Variants in DOCK9 observed in about 807,000 individuals in gnomAD.
The protein encoded by DOCK9 is dedicator of cytokinesis protein 9.
Under a neutral mutation model 263.3 loss-of-function variants are expected in DOCK9, and 89 were observed. The observed-to-expected ratio is 0.34, with a 90% CI of 0.28 to 0.40. The LOEUF (loss-of-function observed/expected upper bound fraction) is 0.40. Ranked by LOEUF, DOCK9 falls within the 10% of genes least tolerant of loss-of-function variation. The pLI is 1.00. For synonymous variants in DOCK9, 976 were observed against 973.1 expected (o/e 1.00, Z -0.06); for missense variants, 2,140 against 2,603.4 (o/e 0.82, Z 3.87).
At chr13:99,027,245 C>T (rs1021962172) in intron 1 of DOCK9, among the ~76,000 whole-genome samples, 1 of 152,106 alleles carries the variant, frequency 6.6e-6, no homozygotes, top group Admixed American at 6.5e-5. Flanking sequence ...GTATCGAACT[C>T]CTAACCTCGT....
chr13:98,867,603 A>G (rs2094066576), intron 29 of DOCK9, 67 bp from the exon 30 acceptor site: 1 of 1,038,870 alleles, frequency 9.6e-7, no homozygotes, highest in South Asian at 1.4e-5. Flanking sequence ...TAAAAAACCT[A>G]TTAGCAATAG....
intron 35 of DOCK9, among the ~76,000 whole-genome samples, chr13:98,850,716 A>C (rs530397578): frequency 2.0e-5 from 3 of 152,178 alleles, no homozygotes; most frequent in Non-Finnish European, 2.9e-5. Flanking sequence ...ACATCCTTTT[A>C]TGTGGGTCTT....
At chr13:98,975,498 C>CACACAG (rs1185219136) in intron 1 of DOCK9, among the ~76,000 whole-genome samples, 2 of 151,718 alleles carry the variant, frequency 1.3e-5, no homozygotes, top group Non-Finnish European at 2.9e-5. Context: ...CACACACACA[C>CACACAG]ACACACACAC....
At chr13:99,060,735 G>A (rs1434316925) in intron 1 of DOCK9, among the ~76,000 whole-genome samples, 1 of 152,146 alleles carries the variant, frequency 6.6e-6, no homozygotes, top group Non-Finnish European at 1.5e-5. Flanking sequence ...CACATCTGCA[G>A]TATCCTGTCT....
intron 38 of DOCK9, among the ~76,000 whole-genome samples, chr13:98,844,488 C>T (rs1381749186): frequency 6.6e-6 from 1 of 152,112 alleles, no homozygotes; most frequent in South Asian, 2.1e-4. Flanking sequence ...TCAGCCTCCC[C>T]AGTAGCTGGG....
chr13:98,987,055 CA>C (rs1263035854), intron 1 of DOCK9, among the ~76,000 whole-genome samples: 1 of 152,086 alleles, frequency 6.6e-6, no homozygotes, highest in African/African-American at 2.4e-5. Context: ...GCAGCACCAT[CA>C]CCATCTTCAC....
At chr13:98,971,748 G>T (rs2059754992) in intron 1 of DOCK9, among the ~76,000 whole-genome samples, 1 of 152,152 alleles carries the variant, frequency 6.6e-6, no homozygotes, top group African/African-American at 2.4e-5. Flanking sequence ...GATGCCTGCA[G>T]ATTCTTAGAC....
intron 21 of DOCK9, among the ~76,000 whole-genome samples, chr13:98,884,396 T>C (rs1207151297): frequency 6.6e-6 from 1 of 152,226 alleles, no homozygotes; most frequent in African/African-American, 2.4e-5. Flanking sequence ...GTCTATAATA[T>C]GAACTTAAAT....
chr13:99,009,902 G>C (rs1045335182), intron 1 of DOCK9, among the ~76,000 whole-genome samples: 5 of 151,628 alleles, frequency 3.3e-5, no homozygotes, highest in African/African-American at 1.2e-4. Context: ...TCTGATAAAA[G>C]TTTATATAGT....
chr13:98,856,005 T>G lies in DOCK9; in HGVS notation c.3724A>C (p.Asn1242His). The change falls in exon 34 of 53, where the codon AAC becomes CAC. Residue 1242 changes from asparagine to histidine, a missense_variant. By Grantham distance (68) the Asn-to-His change is moderately conservative (BLOSUM62 1). Around this residue, in one of 2 missense-constraint regions of DOCK9, gnomAD observed 1,521 missense variants for 1,741.7 expected, o/e 0.87. Transcript: ENST00000682017. Reference protein sequence around the residue: ...IASPYTTSTPNINSVRNADSR... With the variant: ...IASPYTTSTPHINSVRNADSR... The stretch of plus-strand genomic sequence containing the variant: ...TCAGCATTTCTCACACTGTTGATGT[T>G]TGGAGTTGAGGTTGTATATGGAGAA... 1 of 1,613,958 alleles carries G rather than the reference T, an allele frequency of 6.2e-7. No individual in the cohort carries two copies. Among genetic ancestry groups the G allele is most frequent in the African/African-American group, 1.3e-5 (1 of 75,052 alleles).
At position 98,919,387 on chromosome 13, in the gene DOCK9, C is replaced by A. The variant is rs1414670734; in HGVS notation, c.717+1567G>T. On this transcript the variant is annotated intron_variant, in intron 7 of 52. Coordinates refer to ENST00000682017, the MANE Select transcript of DOCK9 (RefSeq NM_001366683.2). ...GCGTTGAGATTACAGGCGTGAGCCA[C>A]TGCAGGGCTGGGCTGTTTCAATCAG... Among the ~76,000 whole-genome samples, 3 of 152,244 alleles carry A rather than the reference C, an allele frequency of 2.0e-5. No individual in the cohort carries two copies. In the East Asian group the frequency reaches 5.8e-4, roughly 29 times the overall value.
At chr13:98,948,341 T>C (rs1452407651) in intron 2 of DOCK9, among the ~76,000 whole-genome samples, 1 of 152,222 alleles carries the variant, frequency 6.6e-6, no homozygotes, top group Non-Finnish European at 1.5e-5. Context: ...ATCTTTGACC[T>C]GCACTCCTAT....
chr13:98,845,974 G>C lies in DOCK9; in HGVS notation c.4148C>G (p.Ala1383Gly). ...CAGGCTGCCCAGCTGCTGCAATCTG[G>C]CATGCATCATTCCTGTTCTGTTACG... ...VSRNRTGMMH[A>G]RLQQLGSLDN... Residue 1383 changes from alanine (A) to glycine (G), a missense_variant, in exon 38 of 53, where the codon GCC becomes GGC. Ala to Gly is a moderately conservative substitution (Grantham distance 60). Coordinates refer to ENST00000682017, the MANE Select transcript of DOCK9 (RefSeq NM_001366683.2). The C allele has an allele frequency of 6.2e-7, 1 of 1,612,948 alleles. No individual in the cohort carries two copies. The highest frequency in any genetic ancestry group is 8.5e-7 in the Non-Finnish European group (1 of 1,179,510).
chr13:99,078,027 T>C (rs2041979835), intron 1 of DOCK9, among the ~76,000 whole-genome samples: 1 of 152,096 alleles, frequency 6.6e-6, no homozygotes, highest in South Asian at 2.1e-4. Flanking sequence ...ACAGATTTCA[T>C]AGTTGGTGAT....
chr13:98,797,550 C>A, intron 50 of DOCK9, 61 bp from the exon 51 acceptor site: 1 of 1,447,512 alleles, frequency 6.9e-7, no homozygotes, highest in Non-Finnish European at 9.5e-7. Context: ...ACCATCTGCT[C>A]AGTTTCAGTT....
chr13:98,797,953 T>G (rs1456166929), intron 50 of DOCK9, among the ~76,000 whole-genome samples: 1 of 152,226 alleles, frequency 6.6e-6, no homozygotes, highest in Non-Finnish European at 1.5e-5. Context: ...GAAACCCAAC[T>G]GTTCATTTCA....
intron 49 of DOCK9, among the ~76,000 whole-genome samples, chr13:98,802,444 C>T (rs574318184): frequency 5.9e-5 from 9 of 152,244 alleles, no homozygotes; most frequent in East Asian, 3.9e-4. Flanking sequence ...GAAAGGAGGA[C>T]GGGGAAGGCC....
At chr13:98,908,114 A>C (rs2049397100) in intron 9 of DOCK9, among the ~76,000 whole-genome samples, 2 of 152,272 alleles carry the variant, frequency 1.3e-5, no homozygotes, top group African/African-American at 4.8e-5. Context: ...ACAAGACAGA[A>C]GAAAACAAGG....
intron 1 of DOCK9, among the ~76,000 whole-genome samples, chr13:99,050,848 A>G (rs553796379): frequency 6.6e-6 from 1 of 152,186 alleles, no homozygotes; most frequent in Non-Finnish European, 1.5e-5. Context: ...CTTCATATAC[A>G]TGGCCCCCCC....
Sources: gnomAD v4.1 joint callset for allele counts (sites outside exome capture counted in the v4.1 genomes callset) on GRCh38, gnomAD v4.1.1 for gene constraint, gnomAD v4.1.1 regional missense constraint, MANE v1.5 for transcripts, NCBI Gene and HGNC (gene_info 2026-07-23, HGNC 2026-07-21) for gene names.